DCAF6: variants seen among roughly 807,000 people sequenced by gnomAD.
DCAF6 encodes the protein DDB1- and CUL4-associated factor 6.
DCAF6 carries 54 observed loss-of-function variants against 125.1 expected under a neutral mutation model. The ratio of observed to expected loss-of-function variants is 0.43; its 90% CI spans 0.35 to 0.54. The LOEUF is 0.54. DCAF6 is among the 20% of genes least tolerant of loss of function. DCAF6 has a pLI of 0.01. For missense variants in DCAF6, 934 were observed against 1,161.7 expected, an observed-to-expected ratio of 0.80 and a Z score of 2.85; for synonymous variants, 371 against 390.4, an observed-to-expected ratio of 0.95 and a Z score of 0.58.
the DCAF6 span, among the ~76,000 whole-genome samples, chr1:167,892,037 A>ACC: frequency 1 from 151,398 of 151,406 alleles, 75,695 homozygotes; most frequent in Middle Eastern, 1. Flanking sequence ...GCAGTGGAGC[A>ACC]ATCTCGGCTC....
At chr1:167,952,006 T>G in intron 2 of DCAF6, 145 bp downstream of exon 2, 1 of 536,124 alleles carries the variant, frequency 1.9e-6, no homozygotes, top group Non-Finnish European at 3.2e-6. Flanking sequence ...AAAATTATAT[T>G]TTGAATCTAG....
the DCAF6 span, among the ~76,000 whole-genome samples, chr1:167,925,466 TATATATATAC>T: frequency 6.5e-3 from 765 of 116,884 alleles, 7 homozygotes; most frequent in African/African-American, 0.021. Context: ...TATATATATA[TATATATATAC>T]ATATACATAT....
the DCAF6 span, among the ~76,000 whole-genome samples, chr1:167,885,241 A>C: frequency 6.6e-6 from 1 of 152,258 alleles, no homozygotes; most frequent in Non-Finnish European, 1.5e-5. Context: ...ATAGCACTGC[A>C]GTAAACATGG....
intron 14 of DCAF6, among the ~76,000 whole-genome samples, chr1:168,043,413 A>C (rs905162629): frequency 6.6e-6 from 1 of 152,090 alleles, no homozygotes; most frequent in African/African-American, 2.4e-5. Context: ...TATAAATGTT[A>C]GTTTGAATTA....
chr1:167,875,160 C>T, the DCAF6 span: 1 of 1,614,158 alleles, frequency 6.2e-7, no homozygotes, highest in South Asian at 1.1e-5. Flanking sequence ...CTTTCTGTTG[C>T]AGATGAGGCA....
intron 10 of DCAF6, among the ~76,000 whole-genome samples, chr1:168,007,622 T>G (rs1410226781): frequency 2.6e-5 from 4 of 152,228 alleles, no homozygotes; most frequent in Non-Finnish European, 4.4e-5. Context: ...TGTCACTCCT[T>G]CTTGAAACAC....
intron 1 of DCAF6, among the ~76,000 whole-genome samples, chr1:167,945,555 A>G (rs1038834217): frequency 1.3e-5 from 2 of 152,016 alleles, no homozygotes; most frequent in African/African-American, 4.8e-5. Context: ...GCAGTGGCAC[A>G]ATCTCGGCTT....
the DCAF6 span, among the ~76,000 whole-genome samples, chr1:167,899,948 T>G: frequency 2.0e-5 from 3 of 152,228 alleles, no homozygotes; most frequent in Non-Finnish European, 4.4e-5. Flanking sequence ...AGGGAATACC[T>G]TTAATAATTC....
intron 1 of DCAF6, among the ~76,000 whole-genome samples, chr1:167,940,616 T>G (rs975440287): frequency 5.3e-5 from 8 of 152,158 alleles, no homozygotes; most frequent in African/African-American, 1.9e-4. Context: ...GAGTAGTGCT[T>G]TTGGAAATCA....
chr1:167,977,875 C>G (rs1193620391), intron 4 of DCAF6, among the ~76,000 whole-genome samples: 1 of 152,196 alleles, frequency 6.6e-6, no homozygotes, highest in Non-Finnish European at 1.5e-5. Context: ...TAACTACCAC[C>G]TAGCACATTA....
chr1:168,050,957 A>ATT (rs138318449), intron 17 of DCAF6, 24 bp downstream of exon 17: 29 of 1,238,054 alleles, frequency 2.3e-5, no homozygotes, highest in South Asian at 1.7e-4. Context: ...TTCCTTCATA[A>ATT]TTTTTTTTTT....
chr1:167,982,661 T>C (rs1028140166), intron 4 of DCAF6, among the ~76,000 whole-genome samples: 2 of 152,348 alleles, frequency 1.3e-5, no homozygotes, highest in African/African-American at 4.8e-5. Flanking sequence ...CTTTTTAGTT[T>C]AATTAGGTCC....
chr1:167,935,962 G>C (rs1372024912), upstream of DCAF6: 7 of 742,064 alleles, frequency 9.4e-6, no homozygotes, highest in Admixed American at 9.4e-5. Context: ...CTCTCGCCTG[G>C]AGTACCCTTC....
intron 13 of DCAF6, among the ~76,000 whole-genome samples, chr1:168,041,481 T>C (rs1250386490): frequency 6.6e-6 from 1 of 152,044 alleles, no homozygotes; most frequent in Non-Finnish European, 1.5e-5. Context: ...AAGGTTCTTA[T>C]ATTCCTCTCA....
At chr1:167,991,057 C>T (rs975553895) in intron 5 of DCAF6, 147 bp from the exon 6 acceptor site, 9 of 567,966 alleles carry the variant, frequency 1.6e-5, no homozygotes, top group South Asian at 4.4e-5. Flanking sequence ...AAAAGAAAGC[C>T]GTATTGTTTT....
In DCAF6 at chr1:167,977,782, A is replaced by T. The variant is rs559434422; in HGVS notation, c.438+2767A>T. On this transcript the variant is annotated intron_variant, in intron 4 of 21. Coordinates refer to ENST00000367840, the MANE Select transcript of DCAF6 (RefSeq NM_001198956.2). ...CCATCCACTATTTAAAAATTTTAAA[A>T]TTGAAATATAGAACATATAGGAAAA... Among the ~76,000 whole-genome samples, 5 of 152,308 alleles carry T rather than the reference A, an allele frequency of 3.3e-5. No individual in the cohort carries two copies. In the East Asian group the frequency reaches 7.7e-4, roughly 24 times the overall value.
chr1:167,908,522 T>G, the DCAF6 span, among the ~76,000 whole-genome samples: 3 of 152,150 alleles, frequency 2.0e-5, no homozygotes, highest in East Asian at 3.8e-4. Context: ...ATTATATACT[T>G]CAAAATGGCT....
chr1:167,901,549 A>G, the DCAF6 span: 5 of 1,104,226 alleles, frequency 4.5e-6, no homozygotes, highest in East Asian at 2.3e-5. Flanking sequence ...AGTTCAGGGC[A>G]TCATGGGGCT....
At chr1:167,982,692 T>C (rs1013484458) in intron 4 of DCAF6, among the ~76,000 whole-genome samples, 2 of 152,208 alleles carry the variant, frequency 1.3e-5, no homozygotes, top group Admixed American at 6.5e-5. Flanking sequence ...TTTTTGTTTT[T>C]GTTGCAGTGG....
Sources: allele counts gnomAD v4.1 joint callset (sites outside exome capture counted in the v4.1 genomes callset), GRCh38; gene constraint gnomAD v4.1.1; transcripts MANE v1.5; gene names NCBI Gene and HGNC (gene_info 2026-07-23, HGNC 2026-07-21).